The following GALNT13 variants were observed in gnomAD, a reference collection of about 807,000 sequenced individuals.
The protein encoded by GALNT13 is UDP-GalNAc:polypeptide N-acetylgalactosaminyltransferase 13.
GALNT13 carries 28 observed loss-of-function variants against 64.2 expected under a neutral mutation model. The observed-to-expected ratio is 0.44, with a 90% CI of 0.32 to 0.60. GALNT13 has a LOEUF of 0.60. Among genes scored for constraint, GALNT13 ranks in the 20% least tolerant of loss-of-function variants. The pLI is 0.05. For synonymous variants in GALNT13, 214 were observed against 224.6 expected (o/e 0.95, Z 0.42); for missense variants, 577 against 669.8 (o/e 0.86, Z 1.53).
intron 3 of GALNT13, among the ~76,000 whole-genome samples, chr2:154,101,609 A>G (rs1003151356): frequency 2.2e-4 from 34 of 152,058 alleles, no homozygotes; most frequent in African/African-American, 7.2e-4. Flanking sequence ...TTAACTTTCA[A>G]TTTCATTAAT....
chr2:153,938,740 C>T (rs950801201), intron 2 of GALNT13, among the ~76,000 whole-genome samples: 3 of 152,154 alleles, frequency 2.0e-5, no homozygotes, highest in Non-Finnish European at 4.4e-5. Flanking sequence ...TGTGTCTTCA[C>T]ATGGTTTTCC....
intron 8 of GALNT13, among the ~76,000 whole-genome samples, chr2:154,270,321 C>A (rs150772229): frequency 0.014 from 2,069 of 151,926 alleles, 37 homozygotes; most frequent in Non-Finnish European, 0.02. Flanking sequence ...GTTTTAGAAA[C>A]ATAAAGCACT....
At position 153,922,228 on chromosome 2, in the gene GALNT13, T is replaced by C. The variant is rs1689808516; in HGVS notation, c.-105+21221T>C. Among the ~76,000 whole-genome samples, 6 of 152,288 alleles carry C rather than the reference T, an allele frequency of 3.9e-5. No individual in the cohort carries two copies. In the South Asian group the frequency reaches 1.2e-3, roughly 32 times the overall value. On this transcript the variant is annotated intron_variant, in intron 2 of 12. Transcript: ENST00000392825. Reference sequence around the variant, plus strand: ...AAGGGGAGTCATACCAATATTTTCTTCTCAGTTTGAACACAGTTTCATTTC... The same window carrying C: ...AAGGGGAGTCATACCAATATTTTCTCCTCAGTTTGAACACAGTTTCATTTC...
chr2:154,200,543 G>T lies in GALNT13; in HGVS notation c.312-41487G>T, dbSNP rs552449371. On this transcript the variant is annotated intron_variant, in intron 4 of 12. Transcript: ENST00000392825. The stretch of plus-strand genomic sequence containing the variant: ...GAAGTTGAAGATCAAGGTGCTGTCA[G>T]GTTCAATGTCTTGTGAAGGTCCTGG... Among the ~76,000 whole-genome samples the T allele has an allele frequency of 3.9e-5, 6 of 152,268 alleles. No individual in the cohort carries two copies. In the East Asian group the frequency reaches 1.2e-3, roughly 29 times the overall value.
At chr2:153,178,666 C>T in the GALNT13 span, among the ~76,000 whole-genome samples, 1 of 150,866 alleles carries the variant, frequency 6.6e-6, no homozygotes, top group Non-Finnish European at 1.5e-5. Flanking sequence ...GTTGTCTCTT[C>T]ATTGTGATGT....
intron 4 of GALNT13, among the ~76,000 whole-genome samples, chr2:154,210,605 C>T (rs887033349): frequency 6.6e-6 from 1 of 152,120 alleles, no homozygotes; most frequent in African/African-American, 2.4e-5. Context: ...CCTACAGGGT[C>T]CTATTTAAGA....
the GALNT13 span, among the ~76,000 whole-genome samples, chr2:153,804,474 G>A: frequency 2.0e-5 from 3 of 152,072 alleles, no homozygotes; most frequent in Non-Finnish European, 2.9e-5. Context: ...ACAGCACCTG[G>A]CCAGTAAAAT....
the GALNT13 span, among the ~76,000 whole-genome samples, chr2:153,093,528 C>T: frequency 4.6e-5 from 7 of 152,150 alleles, no homozygotes; most frequent in East Asian, 5.8e-4. Context: ...CATGAGCCAC[C>T]GTGTGTGGCT....
the GALNT13 span, among the ~76,000 whole-genome samples, chr2:153,545,886 CA>C: frequency 3.3e-5 from 5 of 152,192 alleles, no homozygotes; most frequent in African/African-American, 4.8e-5. Flanking sequence ...CTGGTCAGGG[CA>C]AAGTACGTGG....
At chr2:153,877,788 G>T (rs1241590174) in intron 1 of GALNT13, among the ~76,000 whole-genome samples, 1 of 152,150 alleles carries the variant, frequency 6.6e-6, no homozygotes, top group Non-Finnish European at 1.5e-5. Context: ...TTATGAAGAA[G>T]GTAAGATGGT....
chr2:153,614,678 C>T, the GALNT13 span, among the ~76,000 whole-genome samples: 6 of 151,992 alleles, frequency 3.9e-5, no homozygotes, highest in African/African-American at 1.4e-4. Context: ...TTTAAAATTT[C>T]GATTGTAGAA....
intron 2 of GALNT13, among the ~76,000 whole-genome samples, chr2:153,935,315 A>G (rs901329904): frequency 1.3e-5 from 2 of 152,210 alleles, no homozygotes; most frequent in African/African-American, 2.4e-5. Flanking sequence ...CTGAATTTCC[A>G]TGGAGAGATA....
chr2:154,242,690 T>C lies in GALNT13; in HGVS notation c.479-8T>C, dbSNP rs772749008. On this transcript the variant is annotated splice_region_variant and splice_polypyrimidine_tract_variant and intron_variant, in intron 5 of 12. Transcript: ENST00000392825. ...AATTTTTCTTATAAATTCTTATACA[T>C]GTTACAGATTTTCTCAAGTTGACAT... 15 of 1,584,362 alleles carry C rather than the reference T, an allele frequency of 9.5e-6. No homozygotes were observed. The Admixed American group carries it at 2.5e-4, about 26-fold the overall frequency.
chr2:153,682,466 A>T, the GALNT13 span, among the ~76,000 whole-genome samples: 1 of 151,720 alleles, frequency 6.6e-6, no homozygotes, highest in Non-Finnish European at 1.5e-5. Flanking sequence ...TACTTAATTT[A>T]TTCACGTGCA....
At chr2:153,546,962 G>A in the GALNT13 span, among the ~76,000 whole-genome samples, 4 of 152,052 alleles carry the variant, frequency 2.6e-5, no homozygotes, top group African/African-American at 9.7e-5. Flanking sequence ...TCTGGCTATG[G>A]CCCACCTACT....
chr2:153,671,827 C>T, the GALNT13 span, among the ~76,000 whole-genome samples: 12 of 151,932 alleles, frequency 7.9e-5, no homozygotes, highest in South Asian at 2.1e-4. Flanking sequence ...CAAAGACACA[C>T]GTAGGCTCAA....
chr2:153,989,537 G>A (rs895502676), intron 3 of GALNT13, among the ~76,000 whole-genome samples: 1 of 151,988 alleles, frequency 6.6e-6, no homozygotes, highest in East Asian at 1.9e-4. Flanking sequence ...CGTCTTTGAA[G>A]CTAACTTAAA....
the GALNT13 span, among the ~76,000 whole-genome samples, chr2:153,751,569 A>G: frequency 7.9e-5 from 12 of 151,820 alleles, no homozygotes; most frequent in African/African-American, 2.9e-4. Flanking sequence ...TGATGCTATT[A>G]TCATTATATA....
chr2:153,743,848 C>G, the GALNT13 span, among the ~76,000 whole-genome samples: 1 of 152,230 alleles, frequency 6.6e-6, no homozygotes, highest in East Asian at 1.9e-4. Context: ...TTCCAGCCAT[C>G]TTTCTTTCTA....
Sources: allele counts gnomAD v4.1 joint callset (sites outside exome capture counted in the v4.1 genomes callset), GRCh38; gene constraint gnomAD v4.1.1; transcripts MANE v1.5; gene names NCBI Gene and HGNC (gene_info 2026-07-23, HGNC 2026-07-21).